TNFAIP6: variants seen among roughly 807,000 people sequenced by gnomAD.
The protein encoded by TNFAIP6 is tumor necrosis factor-inducible gene 6 protein.
A neutral mutation model predicts 33.7 loss-of-function variants in TNFAIP6; 36 were observed. The ratio of observed to expected loss-of-function variants is 1.07; its 90% CI spans 0.82 to 1.41. TNFAIP6 has a LOEUF of 1.41. TNFAIP6 is among the 40% of genes most tolerant of loss of function. The pLI, the probability that TNFAIP6 is intolerant of heterozygous loss-of-function variation, is 0.00. For synonymous variants in TNFAIP6, 113 were observed against 112.8 expected (o/e 1.00, Z -0.01); for missense variants, 273 against 331.9 (o/e 0.82, Z 1.38).
At chr2:151,376,881 T>G (rs996486151) in intron 5 of TNFAIP6, among the ~76,000 whole-genome samples, 2 of 148,448 alleles carry the variant, frequency 1.3e-5, no homozygotes, top group South Asian at 2.1e-4. Flanking sequence ...TTTTTTTTTT[T>G]TTTTGTTTTT....
At chr2:151,374,413 G>A (rs1684868156) in intron 5 of TNFAIP6, among the ~76,000 whole-genome samples, 1 of 152,070 alleles carries the variant, frequency 6.6e-6, no homozygotes, top group African/African-American at 2.4e-5. Context: ...TCCATCACCA[G>A]CACCAGCAGC....
chr2:151,380,353 T>C (rs924617530), downstream of TNFAIP6, among the ~76,000 whole-genome samples: 14 of 152,230 alleles, frequency 9.2e-5, no homozygotes, highest in Non-Finnish European at 1.9e-4. Flanking sequence ...TAATTTTTAG[T>C]TTATATTTTG....
chr2:151,365,423 G>A (rs1284518352), intron 2 of TNFAIP6, among the ~76,000 whole-genome samples: 1 of 152,094 alleles, frequency 6.6e-6, no homozygotes, highest in Non-Finnish European at 1.5e-5. Flanking sequence ...CAGATCACTT[G>A]AGGTCAGGGG....
In TNFAIP6 at chr2:151,379,605, G is replaced by A; in HGVS notation, c.*72G>A. 1 of 1,048,738 alleles carries A rather than the reference G, an allele frequency of 9.5e-7. No individual in the cohort carries two copies. Among genetic ancestry groups the A allele is most frequent in the East Asian group, 2.9e-5 (1 of 34,596 alleles). 65.0% of individuals were successfully genotyped at this position (1,048,738 alleles called of 1,614,324 possible). ...CTTTTGGAACTCCTTTGATCTCACT[G>A]TTATTATTAACATTTATTTATTATT... is the stretch of plus-strand genomic sequence containing the variant. On this transcript the variant is annotated 3_prime_UTR_variant, in exon 6 of 6. Transcript: ENST00000243347.
chr2:151,362,692 G>A (rs1008375474), intron 1 of TNFAIP6, among the ~76,000 whole-genome samples: 2 of 151,758 alleles, frequency 1.3e-5, no homozygotes, highest in African/African-American at 2.4e-5. Flanking sequence ...GGGTTTCACC[G>A]TGTTAGCCAG....
intron 1 of TNFAIP6, among the ~76,000 whole-genome samples, chr2:151,362,742 G>C (rs949977973): frequency 1.3e-5 from 2 of 151,820 alleles, no homozygotes; most frequent in South Asian, 4.1e-4. Context: ...CGCCCGCCTC[G>C]GCCTCCCGAA....
At position 151,379,545 on chromosome 2, in the gene TNFAIP6, A is replaced by C. The variant is rs62169367; in HGVS notation, c.*12A>C. ...TTAGCCACTTATAAAAAAAAAAAAA[A>C]GGATGATCAAAACACACAGTGTTTA... On this transcript the variant is annotated 3_prime_UTR_variant, in exon 6 of 6. Coordinates refer to ENST00000243347, the MANE Select transcript of TNFAIP6 (RefSeq NM_007115.4). 6.5e-5 allele frequency: 87 copies of C among 1,344,486 alleles called. No individual in the cohort carries two copies. In the Middle Eastern group the frequency reaches 1.1e-3, roughly 16 times the overall value. 83.3% of individuals were successfully genotyped at this position (1,344,486 alleles called of 1,614,324 possible).
At position 151,379,472 on chromosome 2, in the gene TNFAIP6, A is replaced by C; in HGVS notation, c.773A>C (p.Asn258Thr). The part of the protein sequence containing the change: ...DPVSKSSQGK[N>T]TSTTSTGNKN... The stretch of plus-strand genomic sequence containing the variant: ...GTATCCAAATCCAGTCAAGGAAAAA[A>C]TACAAGTACTACTTCTACTGGAAAT... The change falls in exon 6 of 6, where the codon AAT (asparagine) becomes ACT (threonine). Residue 258 changes from asparagine (N) to threonine (T), a missense_variant. Asn to Thr is a moderately conservative substitution (Grantham distance 65). Coordinates refer to ENST00000243347, the MANE Select transcript of TNFAIP6 (RefSeq NM_007115.4). The C allele has an allele frequency of 1.2e-6, 2 of 1,608,366 alleles. No homozygotes were observed. The highest frequency in any genetic ancestry group is 1.7e-6 in the Non-Finnish European group (2 of 1,178,050).
chr2:151,360,671 GA>G (rs1257626734), intron 1 of TNFAIP6, among the ~76,000 whole-genome samples: 1 of 152,158 alleles, frequency 6.6e-6, no homozygotes, highest in African/African-American at 2.4e-5. Context: ...CATACTCCAA[GA>G]GTTCTCTATT....
rs534453678 is a variant in TNFAIP6 at position 151,359,680 on chromosome 2, A to G, written c.94+1920A>G. Among the ~76,000 whole-genome samples the G allele has an allele frequency of 5.4e-3, 817 of 152,158 alleles. 12 individuals carry two copies. Among genetic ancestry groups the G allele is most frequent in the Non-Finnish European group, 5.5e-3 (376 of 67,992 alleles). On this transcript the variant is annotated intron_variant, in intron 1 of 5. Transcript: ENST00000243347. ...TGGGATTATAGGCGTGAGCCACCGC[A>G]CCTGGCCCAGGGAACTCATAATGTT...
At chr2:151,362,109 G>A (rs566832339) in intron 1 of TNFAIP6, among the ~76,000 whole-genome samples, 2 of 152,168 alleles carry the variant, frequency 1.3e-5, no homozygotes, top group Admixed American at 6.5e-5. Context: ...TCAGAATACA[G>A]AGACTTAACC....
At chr2:151,376,013 A>G (rs932622969) in intron 5 of TNFAIP6, among the ~76,000 whole-genome samples, 1 of 152,302 alleles carries the variant, frequency 6.6e-6, no homozygotes, top group East Asian at 1.9e-4. Context: ...TGTGAGGCCA[A>G]GGCGGGTGGA....
At chr2:151,379,041 G>A (rs1036325542) in intron 5 of TNFAIP6, among the ~76,000 whole-genome samples, 5 of 151,940 alleles carry the variant, frequency 3.3e-5, no homozygotes, top group Non-Finnish European at 7.4e-5. Flanking sequence ...CGGAGGTTGC[G>A]GTGAGCCGAG....
intron 5 of TNFAIP6, among the ~76,000 whole-genome samples, chr2:151,378,654 A>AT (rs1684960939): frequency 6.6e-6 from 1 of 151,524 alleles, no homozygotes; most frequent in African/African-American, 2.4e-5. Context: ...AGCCCGGCTG[A>AT]TTTTTTGTAT....
chr2:151,373,484 A>G, intron 4 of TNFAIP6, 65 bp from the exon 5 acceptor site: 1 of 902,922 alleles, frequency 1.1e-6, no homozygotes, highest in Non-Finnish European at 1.6e-6. Flanking sequence ...TATCAGTAAC[A>G]GCCACTTTAC....
At chr2:151,359,228 T>A (rs1684582809) in intron 1 of TNFAIP6, among the ~76,000 whole-genome samples, 2 of 152,158 alleles carry the variant, frequency 1.3e-5, no homozygotes, top group Admixed American at 1.3e-4. Context: ...TGGATCAATA[T>A]AATCTTTTTA....
rs183476537 is a variant in TNFAIP6, at chr2:151,367,208, C to G, written c.394+991C>G. Among the ~76,000 whole-genome samples, 16 of 152,072 alleles carry G rather than the reference C, an allele frequency of 1.1e-4. No homozygotes were observed. In the East Asian group the frequency reaches 3.1e-3, roughly 29 times the overall value. On this transcript the variant is annotated intron_variant, in intron 3 of 5. Transcript: ENST00000243347. ...CTATATCTCAAAATTATGTGTAGTCCAAGTAGAAAGATTTTTGCCTACAGC... is the reference window on the plus strand; with the variant it reads ...CTATATCTCAAAATTATGTGTAGTCGAAGTAGAAAGATTTTTGCCTACAGC...
intron 2 of TNFAIP6, among the ~76,000 whole-genome samples, chr2:151,364,399 TTCTA>T (rs1459590472): frequency 9.8e-5 from 15 of 152,340 alleles, no homozygotes; most frequent in Middle Eastern, 3.4e-3. Context: ...TTTAGTATTG[TTCTA>T]TCTCTTTGAC....
intron 5 of TNFAIP6, among the ~76,000 whole-genome samples, chr2:151,379,093 G>A (rs967729416): frequency 2.0e-5 from 3 of 152,144 alleles, no homozygotes; most frequent in Admixed American, 1.3e-4. Flanking sequence ...GAGTGAGTGA[G>A]ACTCCATCTC....
Sources: gnomAD v4.1 joint callset for allele counts (sites outside exome capture counted in the v4.1 genomes callset) on GRCh38, gnomAD v4.1.1 for gene constraint, MANE v1.5 for transcripts, NCBI Gene and HGNC (gene_info 2026-07-23, HGNC 2026-07-21) for gene names.